The following U2AF2 variants were observed in gnomAD, a reference collection of about 807,000 sequenced individuals.
U2AF2 encodes the protein splicing factor U2AF 65 kDa subunit.
In U2AF2, 6 loss-of-function variants were observed where a neutral mutation model predicts 52.6. That is an observed-to-expected ratio of 0.11 (90% CI 0.06 to 0.23). The LOEUF (loss-of-function observed/expected upper bound fraction) is 0.23, where lower values mean the gene tolerates loss of function less well. Among genes scored for constraint, U2AF2 ranks in the 10% least tolerant of loss-of-function variants. The pLI, the probability that U2AF2 is intolerant of heterozygous loss-of-function variation, is 1.00. For synonymous variants in U2AF2, 284 were observed against 258.2 expected, an observed-to-expected ratio of 1.10 and a Z score of -0.96; for missense variants, 222 against 677.1, an observed-to-expected ratio of 0.33 and a Z score of 7.46.
intron 7 of U2AF2, chr19:55,664,039 C>G: frequency 2.9e-6 from 1 of 347,260 alleles, no homozygotes; most frequent in Non-Finnish European, 5.3e-6. Flanking sequence ...GCCTGGACCT[C>G]GTGCCTGCGT....
intron 7 of U2AF2, chr19:55,663,996 G>C: frequency 2.1e-6 from 1 of 475,484 alleles, no homozygotes; most frequent in Non-Finnish European, 3.7e-6. Context: ...GCCAGGATCA[G>C]ACCAAAGGTG....
At chr19:55,664,420 G>A (rs1043249858) in intron 7 of U2AF2, among the ~76,000 whole-genome samples, 1 of 152,244 alleles carries the variant, frequency 6.6e-6, no homozygotes, top group African/African-American at 2.4e-5. Flanking sequence ...AAAGCTTGCA[G>A]GATGTGCAAA....
At chr19:55,657,118 G>A (rs528033842) in intron 1 of U2AF2, among the ~76,000 whole-genome samples, 1 of 152,352 alleles carries the variant, frequency 6.6e-6, no homozygotes, top group Admixed American at 6.5e-5. Context: ...CTGATTGGGC[G>A]GTTCTTTGAG....
chr19:55,672,104 G>A (rs1984957360), intron 11 of U2AF2: 1 of 151,534 alleles, frequency 6.6e-6, no homozygotes, highest in Non-Finnish European at 1.5e-5. Context: ...ACTCCAGCCT[G>A]GGTGACAGAG....
rs1161897360 is a variant in U2AF2 at position 55,668,687 on chromosome 19, A to G, written c.840A>G (p.Thr280=). The G allele has an allele frequency of 6.2e-6, 10 of 1,610,976 alleles. No individual in the cohort carries two copies. The highest frequency in any genetic ancestry group is 4.2e-6 in the Non-Finnish European group (5 of 1,178,264). ...TACTGCAGGTCAAAGAGCTGCTGAC[A>G]TCCTTTGGGCCCCTCAAGGCCTTCA... The part of the protein sequence containing the change: ...LNDDQVKELL[T]SFGPLKAFNL... Residue 280 remains threonine, a synonymous_variant, in exon 9 of 12, where the codon ACA becomes ACG. Transcript: ENST00000308924. This position sits in a 1 kb window ranked among gnomAD's most constrained non-coding sequence, Gnocchi z 5.5.
intron 5 of U2AF2, among the ~76,000 whole-genome samples, chr19:55,661,568 T>C (rs1984205594): frequency 6.6e-6 from 1 of 150,916 alleles, no homozygotes; most frequent in Non-Finnish European, 1.5e-5. Flanking sequence ...TCAGTTTTTT[T>C]CTGACACGCC....
At chr19:55,672,164 T>C (rs1419492241) in intron 11 of U2AF2, 1 of 152,122 alleles carries the variant, frequency 6.6e-6, no homozygotes, top group Admixed American at 6.6e-5. Context: ...ATTGTATTGT[T>C]TTATTCTTAA....
chr19:55,667,784 CTT>C (rs767601784), intron 7 of U2AF2, among the ~76,000 whole-genome samples: 4 of 143,136 alleles, frequency 2.8e-5, no homozygotes, highest in Non-Finnish European at 4.6e-5. Flanking sequence ...AGGGACTGAG[CTT>C]TTTTTTTTTT....
chr19:55,660,375 C>G (rs1324647815), intron 3 of U2AF2, 141 bp from the exon 4 acceptor site: 3 of 1,101,134 alleles, frequency 2.7e-6, no homozygotes, highest in Non-Finnish European at 4.0e-6. Context: ...AGGCCCTGCC[C>G]CAGACCCTCT....
At chr19:55,656,867 G>C (rs1600067874) in intron 1 of U2AF2, among the ~76,000 whole-genome samples, 1 of 152,218 alleles carries the variant, frequency 6.6e-6, no homozygotes, top group Non-Finnish European at 1.5e-5. Context: ...TTAGAGAGGA[G>C]GGTCTTCCGC....
At position 55,668,442 on chromosome 19, in the gene U2AF2, G is replaced by C; in HGVS notation, c.743-65G>C. ...TTTGGCAATTGAGGAGCTCGCCGTA[G>C]ACTGTCCAGGTTTTGGGAGATAACC... On this transcript the variant is annotated intron_variant, in intron 7 of 11. Coordinates refer to ENST00000308924, the MANE Select transcript of U2AF2 (RefSeq NM_007279.3). The surrounding 1 kb of genome is among the most constrained non-coding windows in gnomAD (Gnocchi z 5.5). 2 of 1,473,578 alleles carry C rather than the reference G, an allele frequency of 1.4e-6. No individual in the cohort carries two copies. Among genetic ancestry groups the C allele is most frequent in the African/African-American group, 2.8e-5 (2 of 71,148 alleles). 91.3% of individuals were successfully genotyped at this position (1,473,578 alleles called of 1,614,324 possible).
intron 6 of U2AF2, among the ~76,000 whole-genome samples, 172 bp from the exon 7 acceptor site, chr19:55,663,431 GCTC>G (rs1984346253): frequency 6.6e-6 from 1 of 152,206 alleles, no homozygotes; most frequent in African/African-American, 2.4e-5. Flanking sequence ...TCGAGTGTGA[GCTC>G]CTGGCAGCAG....
In U2AF2 at chr19:55,660,545, A is replaced by G; in HGVS notation, c.260A>G (p.Lys87Arg). ...TCCCCCCGCCACGAGAAGAAGAAGA[A>G]GGTCCGTAAATACTGGGACGTGCCA... ...IRSPRHEKKK[K>R]VRKYWDVPPP... The change falls in exon 4 of 12, where the codon AAG becomes AGG. Residue 87 changes from lysine (K) to arginine (R), a missense_variant. By Grantham distance (26) the Lys-to-Arg change is conservative (BLOSUM62 2). Transcript: ENST00000308924. 6.2e-7 allele frequency: 1 copy of G among 1,610,830 alleles called. No homozygotes were observed.
chr19:55,661,392 C>T (rs113776947), intron 5 of U2AF2: 27 of 515,620 alleles, frequency 5.2e-5, no homozygotes, highest in Non-Finnish European at 7.7e-5. Flanking sequence ...TCCCCTCTCC[C>T]GTCTCCCCTC....
chr19:55,656,361 CAAT>C (rs1232629115), intron 1 of U2AF2, among the ~76,000 whole-genome samples: 5 of 152,162 alleles, frequency 3.3e-5, no homozygotes, highest in African/African-American at 1.2e-4. Context: ...CCTGGGGAAG[CAAT>C]AACGTTTACT....
At position 55,674,029 on chromosome 19, in the gene U2AF2, C is replaced by T; in HGVS notation, c.1389C>T (p.Tyr463=). ...KFANRVVVTK[Y]CDPDSYHRRD... Reference sequence around the variant, plus strand: ...CCAACAGAGTGGTTGTCACAAAATACTGTGACCCCGACTCTTATCACCGCC... The same window carrying T: ...CCAACAGAGTGGTTGTCACAAAATATTGTGACCCCGACTCTTATCACCGCC... Residue 463 remains tyrosine, a synonymous_variant, in exon 12 of 12, where the codon TAC becomes TAT. Transcript: ENST00000308924. 6.5e-7 allele frequency: 1 copy of T among 1,539,534 alleles called. No homozygotes were observed. The highest frequency in any genetic ancestry group is 1.1e-5 in the South Asian group (1 of 90,184).
At position 55,669,426 on chromosome 19, in the gene U2AF2, C is replaced by T; in HGVS notation, c.1045-18C>T. ...GTCTGGGCCCCCTGTGACGCCGCTG[C>T]CTCCCCTGGCCCCACAGAGCACCAT... On this transcript the variant is annotated intron_variant, in intron 10 of 11. Transcript: ENST00000308924. 6.3e-7 allele frequency: 1 copy of T among 1,579,788 alleles called. No individual in the cohort carries two copies. Among genetic ancestry groups the T allele is most frequent in the Non-Finnish European group, 8.6e-7 (1 of 1,160,248 alleles).
chr19:55,662,873 C>A (rs914881116), intron 6 of U2AF2, among the ~76,000 whole-genome samples: 2 of 152,092 alleles, frequency 1.3e-5, no homozygotes, highest in African/African-American at 2.4e-5. Context: ...CCAGACCATT[C>A]CGGCCCAGTC....
Position 55,661,086 on chromosome 19 carries a change from A to G in U2AF2, c.383A>G (p.Asp128Gly). ...ATALLPTMTP[D>G]GLAVTPTPVP... Reference sequence around the variant, plus strand: ...GCTCTTCTCCCCACCATGACCCCTGACGGTCTGGCTGTGACCCCAACGCCG... The same window carrying G: ...GCTCTTCTCCCCACCATGACCCCTGGCGGTCTGGCTGTGACCCCAACGCCG... The change falls in exon 5 of 12, where the codon GAC (aspartate) becomes GGC (glycine). Residue 128 changes from aspartate (D) to glycine (G), a missense_variant. By Grantham distance (94) the Asp-to-Gly change is moderately conservative (BLOSUM62 -1). Transcript: ENST00000308924. 1 of 1,609,534 alleles carries G rather than the reference A, an allele frequency of 6.2e-7. No individual in the cohort carries two copies. Among genetic ancestry groups the G allele is most frequent in the Non-Finnish European group, 8.5e-7 (1 of 1,176,580 alleles).
Sources: gnomAD v4.1 joint callset for allele counts (sites outside exome capture counted in the v4.1 genomes callset) on GRCh38, gnomAD v4.1.1 for gene constraint, Gnocchi (gnomAD v3.1) non-coding constraint, MANE v1.5 for transcripts, NCBI Gene and HGNC (gene_info 2026-07-23, HGNC 2026-07-21) for gene names.